Variants in FBN2 observed in about 807,000 individuals in gnomAD.
FBN2 encodes the protein fibrillin 2.
In FBN2, 105 loss-of-function variants were observed where a neutral mutation model predicts 355.6. The ratio of observed to expected loss-of-function variants is 0.30; its 90% CI spans 0.25 to 0.35. The LOEUF is 0.35. Among genes scored for constraint, FBN2 ranks in the 10% least tolerant of loss-of-function variants. The pLI, the probability that FBN2 is intolerant of heterozygous loss-of-function variation, is 1.00. For synonymous variants in FBN2, 1,350 were observed against 1,301.2 expected (o/e 1.04, Z -0.81); for missense variants, 3,280 against 3,758.7 (o/e 0.87, Z 3.33).
intron 7 of FBN2, among the ~76,000 whole-genome samples, chr5:128,429,329 C>T (rs960857795): frequency 9.9e-5 from 15 of 152,260 alleles, no homozygotes; most frequent in African/African-American, 3.6e-4. Flanking sequence ...TGTTCTCCCT[C>T]CTCCCACTCC....
In FBN2 at chr5:128,378,777, A is replaced by G. The variant is rs376737293; in HGVS notation, c.1717T>C (p.Cys573Arg). ...TGAAAGCAAACTGCCTTACCAATGC[A>G]TGCTTGCTTGGTAGGAGTCCTCTGG... ...GFQRTPTKQA[C>R]IDIDECIQNG... The change falls in exon 12 of 65, where the codon TGC (cysteine) becomes CGC (arginine). Residue 573 changes from cysteine (C) to arginine (R), a missense_variant. Transcript: ENST00000262464. The G allele has an allele frequency of 6.2e-7, 1 of 1,613,104 alleles. No homozygotes were observed. The highest frequency in any genetic ancestry group is 8.5e-7 in the Non-Finnish European group (1 of 1,179,328).
At chr5:128,513,500 G>A (rs1401624839) in intron 5 of FBN2, among the ~76,000 whole-genome samples, 1 of 152,182 alleles carries the variant, frequency 6.6e-6, no homozygotes, top group Non-Finnish European at 1.5e-5. Flanking sequence ...CTGCCTGTAG[G>A]TAGATAAACC....
intron 5 of FBN2, among the ~76,000 whole-genome samples, chr5:128,489,567 G>C (rs904065701): frequency 6.6e-6 from 1 of 152,036 alleles, no homozygotes; most frequent in Non-Finnish European, 1.5e-5. Context: ...TCATGAATGA[G>C]AAATGATAAA....
chr5:128,309,177 G>T, intron 41 of FBN2, 70 bp downstream of exon 41: 2 of 1,528,814 alleles, frequency 1.3e-6, no homozygotes, highest in South Asian at 2.3e-5. Flanking sequence ...CAGTGACTTT[G>T]ACTATACTGT....
intron 5 of FBN2, among the ~76,000 whole-genome samples, chr5:128,507,478 T>A (rs893910295): frequency 1.3e-4 from 20 of 152,078 alleles, no homozygotes; most frequent in Admixed American, 1.0e-3. Context: ...GTTGTCTTAC[T>A]GCTAAACTTT....
rs767644891 is a variant in FBN2, at chr5:128,335,550, C to T, written c.3752G>A (p.Gly1251Glu). The T allele has an allele frequency of 1.2e-5, 20 of 1,614,010 alleles. No homozygotes were observed. In the South Asian group the frequency reaches 2.2e-4, roughly 18 times the overall value. ...TDIDECMIMN[G>E]GCDTQCTNSE... ...ATTTGTGCACTGGGTGTCACAGCCTCCGTTCATTATCATACATTCATCAAT... is the reference window on the plus strand; with the variant it reads ...ATTTGTGCACTGGGTGTCACAGCCTTCGTTCATTATCATACATTCATCAAT... The change falls in exon 29 of 65, where the codon GGA becomes GAA. Residue 1251 changes from glycine (G) to glutamate (E), a missense_variant. Gly to Glu is a moderately conservative substitution (Grantham distance 98). Around this residue, in one of 6 missense-constraint regions of FBN2, gnomAD observed 2,284 missense variants for 2,749.5 expected, o/e 0.83. Transcript: ENST00000262464.
intron 2 of FBN2, among the ~76,000 whole-genome samples, chr5:128,532,499 CTCTT>C (rs535681647): frequency 6.6e-6 from 1 of 152,286 alleles, no homozygotes; most frequent in South Asian, 2.1e-4. Flanking sequence ...ATTGAGTTCT[CTCTT>C]TCGGCACAAG....
chr5:128,322,041 C>A (rs1425124307), intron 34 of FBN2, among the ~76,000 whole-genome samples: 1 of 152,114 alleles, frequency 6.6e-6, no homozygotes, highest in African/African-American at 2.4e-5. Flanking sequence ...CTCTAATGAC[C>A]AGTGAGGATG....
intron 7 of FBN2, among the ~76,000 whole-genome samples, chr5:128,427,941 G>C (rs574009768): frequency 6.6e-6 from 1 of 152,030 alleles, no homozygotes; most frequent in Non-Finnish European, 1.5e-5. Context: ...TTTTCTCCTC[G>C]CTATGTTCTC....
intron 4 of FBN2, among the ~76,000 whole-genome samples, chr5:128,522,461 A>G (rs1756455403): frequency 6.6e-6 from 1 of 152,180 alleles, no homozygotes; most frequent in Non-Finnish European, 1.5e-5. Flanking sequence ...CCTCCCCTAC[A>G]GACGTTTGAG....
chr5:128,357,804 T>C (rs187019108), intron 19 of FBN2, among the ~76,000 whole-genome samples: 32 of 152,256 alleles, frequency 2.1e-4, no homozygotes, highest in African/African-American at 7.0e-4. Flanking sequence ...AGATGCAAAA[T>C]ATCACAATGC....
intron 52 of FBN2, among the ~76,000 whole-genome samples, chr5:128,288,838 A>C (rs1262694417): frequency 1.3e-5 from 2 of 152,260 alleles, no homozygotes; most frequent in African/African-American, 4.8e-5. Context: ...ATGGAAGGGC[A>C]TAAAGTAAAA....
chr5:128,507,615 C>T (rs1755999298), intron 5 of FBN2, among the ~76,000 whole-genome samples: 1 of 151,958 alleles, frequency 6.6e-6, no homozygotes, highest in South Asian at 2.1e-4. Context: ...CTTAATTGAG[C>T]TTTGGCGATA....
chr5:128,478,147 T>C (rs1755054428), intron 5 of FBN2, among the ~76,000 whole-genome samples: 1 of 152,226 alleles, frequency 6.6e-6, no homozygotes. Flanking sequence ...TTCTCTTCTC[T>C]GAGTGGATGA....
intron 26 of FBN2, 35 bp from the exon 27 acceptor site, chr5:128,338,157 T>G (rs769970116): frequency 6.2e-7 from 1 of 1,609,270 alleles, no homozygotes. Flanking sequence ...ATTAAAGAAC[T>G]CTGAGGGAAA....
intron 5 of FBN2, among the ~76,000 whole-genome samples, chr5:128,515,158 T>G (rs1411098468): frequency 6.6e-6 from 1 of 152,170 alleles, no homozygotes; most frequent in Non-Finnish European, 1.5e-5. Context: ...TTGTCCATCT[T>G]TACACCTGCT....
chr5:128,310,082 C>T lies in FBN2; in HGVS notation c.5101G>A (p.Gly1701Ser), dbSNP rs1749991572. ...EDIDECFAHP[G>S]VCGPGTCYNT... ...TAGCAGGTCCCAGGCCCACACACAC[C>T]AGGATGTGCAAAACACTCATCAATA... The change falls in exon 40 of 65, where the codon GGT becomes AGT. Residue 1701 changes from glycine to serine, a missense_variant. Coordinates refer to ENST00000262464, the MANE Select transcript of FBN2 (RefSeq NM_001999.4). The T allele has an allele frequency of 6.2e-7, 1 of 1,613,134 alleles. No individual in the cohort carries two copies. Among genetic ancestry groups the T allele is most frequent in the Non-Finnish European group, 8.5e-7 (1 of 1,179,288 alleles).
At chr5:128,413,078 C>T (rs1445464109) in intron 7 of FBN2, among the ~76,000 whole-genome samples, 4 of 152,138 alleles carry the variant, frequency 2.6e-5, no homozygotes, top group Admixed American at 6.6e-5. Flanking sequence ...GAGCTTTGGA[C>T]ATTTTGATCC....
chr5:128,527,975 G>A lies in FBN2; in HGVS notation c.437-8C>T. 1.9e-6 allele frequency: 3 copies of A among 1,594,536 alleles called. No homozygotes were observed. Among genetic ancestry groups the A allele is most frequent in the Non-Finnish European group, 2.6e-6 (3 of 1,162,796 alleles). Reference sequence around the variant, plus strand: ...TCACACTGCACTGCTGAACTGCAAAGAGCAATAACAAAAAGTATAAAAACA... The same window carrying A: ...TCACACTGCACTGCTGAACTGCAAAAAGCAATAACAAAAAGTATAAAAACA... On this transcript the variant is annotated splice_region_variant and splice_polypyrimidine_tract_variant and intron_variant, in intron 3 of 64. Transcript: ENST00000262464.
Sources: gnomAD v4.1 joint callset for allele counts (sites outside exome capture counted in the v4.1 genomes callset) on GRCh38, gnomAD v4.1.1 for gene constraint, gnomAD v4.1.1 regional missense constraint, MANE v1.5 for transcripts, NCBI Gene and HGNC (gene_info 2026-07-23, HGNC 2026-07-21) for gene names.